PFKFB3: variants seen among roughly 807,000 people sequenced by gnomAD.
PFKFB3 encodes the protein 6-phosphofructo-2-kinase/fructose-2,6-bisphosphatase 3.
A neutral mutation model predicts 68.0 loss-of-function variants in PFKFB3; 33 were observed. That is an observed-to-expected ratio of 0.49 (90% confidence interval 0.37 to 0.65). The LOEUF (loss-of-function observed/expected upper bound fraction) is 0.65, where lower values mean the gene tolerates loss of function less well. Among genes scored for constraint, PFKFB3 ranks in the 30% least tolerant of loss-of-function variants. The pLI, the probability that PFKFB3 is intolerant of heterozygous loss-of-function variation, is 0.00. For missense variants in PFKFB3, 586 were observed against 712.2 expected, an observed-to-expected ratio of 0.82 and a Z score of 2.02; for synonymous variants, 315 against 288.2, an observed-to-expected ratio of 1.09 and a Z score of -0.94.
At chr10:6,175,016 A>G (rs529014985) in intron 1 of PFKFB3, among the ~76,000 whole-genome samples, 1 of 151,932 alleles carries the variant, frequency 6.6e-6, no homozygotes, top group Admixed American at 6.6e-5. Context: ...GGGTTTCACC[A>G]TGTTGGCCAG....
intron 1 of PFKFB3, among the ~76,000 whole-genome samples, chr10:6,165,042 G>A (rs1268202477): frequency 6.6e-6 from 1 of 152,022 alleles, no homozygotes; most frequent in Admixed American, 6.6e-5. Flanking sequence ...GACCCTTTAC[G>A]GGTGTCTGGC....
At chr10:6,247,516 A>G (rs548527769) in intron 14 of PFKFB3, among the ~76,000 whole-genome samples, 5 of 152,168 alleles carry the variant, frequency 3.3e-5, no homozygotes, top group Non-Finnish European at 5.9e-5. Context: ...AATACATCCA[A>G]TCGGTTCAAG....
intron 1 of PFKFB3, among the ~76,000 whole-genome samples, chr10:6,172,536 G>A (rs933695476): frequency 2.0e-5 from 3 of 152,166 alleles, no homozygotes; most frequent in Non-Finnish European, 2.9e-5. Flanking sequence ...TGAGGAAACC[G>A]GGGTGCTGAA....
rs1036171566 is a variant in PFKFB3, at chr10:6,220,348, T to C, written c.624-310T>C. On this transcript the variant is annotated intron_variant, in intron 7 of 14. Transcript: ENST00000379775. The surrounding 1 kb of genome is among the most constrained non-coding windows in gnomAD (Gnocchi z 4.1). ...GAACTTCTAGACTCAAGCAATCCTC[T>C]TGCCTCGGCCTCCCAAAGTGCTGGG... Among the ~76,000 whole-genome samples the C allele has an allele frequency of 1.4e-4, 21 of 152,106 alleles. No individual in the cohort carries two copies. The highest frequency in any genetic ancestry group is 4.8e-4 in the African/African-American group (20 of 41,422).
chr10:6,220,997 G>A lies in PFKFB3; in HGVS notation c.831+132G>A. On this transcript the variant is annotated intron_variant, in intron 8 of 14. Coordinates refer to ENST00000379775, the MANE Select transcript of PFKFB3 (RefSeq NM_004566.4). This position sits in a 1 kb window ranked among gnomAD's most constrained non-coding sequence, Gnocchi z 4.1. Reference sequence around the variant, plus strand: ...GGTGTGCTTGCTGTGTGTGTTATCTGTGTGTGCGCCTGCACGTCTCTATGC... The same window carrying A: ...GGTGTGCTTGCTGTGTGTGTTATCTATGTGTGCGCCTGCACGTCTCTATGC... 3 of 869,270 alleles carry A rather than the reference G, an allele frequency of 3.5e-6. No homozygotes were observed. The highest frequency in any genetic ancestry group is 1.4e-5 in the South Asian group (1 of 71,308). 53.8% of individuals were successfully genotyped at this position (869,270 alleles called of 1,614,324 possible).
intron 14 of PFKFB3, among the ~76,000 whole-genome samples, chr10:6,250,840 C>T (rs1846364795): frequency 6.6e-6 from 1 of 152,164 alleles, no homozygotes. Flanking sequence ...CTTGTTATAA[C>T]CGGCCCAAAT....
the PFKFB3 span, among the ~76,000 whole-genome samples, chr10:6,308,416 T>G: frequency 6.6e-6 from 1 of 152,176 alleles, no homozygotes; most frequent in Admixed American, 6.5e-5. Context: ...CTTGGGAGGC[T>G]GAGGCAGGAG....
the PFKFB3 span, chr10:6,277,729 C>A: frequency 2.4e-6 from 1 of 416,976 alleles, no homozygotes; most frequent in Admixed American, 2.6e-5. Context: ...TGAGCAGATG[C>A]CAGCACCACG....
chr10:6,312,754 G>A, the PFKFB3 span, among the ~76,000 whole-genome samples: 7 of 152,148 alleles, frequency 4.6e-5, no homozygotes, highest in African/African-American at 9.7e-5. Flanking sequence ...GAGACCGGCC[G>A]ACTGCTCACA....
rs184539911 is a variant in PFKFB3, at chr10:6,232,808, C to T, written c.1516-87C>T. The T allele has an allele frequency of 1.3e-4, 132 of 1,020,004 alleles. No homozygotes were observed. In the East Asian group the frequency reaches 2.3e-3, roughly 18 times the overall value. The allele number at this position is 1,020,004 out of a possible 1,614,324, so 63.2% of individuals were successfully genotyped here. ...GGGATGGAGGGAGGGAAGAATTCTC[C>T]GTTGCATGGCTCGCGTCTTCTGCTT... On this transcript the variant is annotated intron_variant, in intron 14 of 14. Transcript: ENST00000379775.
chr10:6,165,893 C>T (rs1011105816), intron 1 of PFKFB3, among the ~76,000 whole-genome samples: 1 of 151,658 alleles, frequency 6.6e-6, no homozygotes. Flanking sequence ...CCGCTCACTG[C>T]AACCTCTGCC....
chr10:6,244,904 C>T (rs977287225), intron 14 of PFKFB3, among the ~76,000 whole-genome samples: 7 of 152,112 alleles, frequency 4.6e-5, no homozygotes, highest in African/African-American at 1.4e-4. Flanking sequence ...ATGAAAGAAA[C>T]AGTTCCTAGC....
intron 1 of PFKFB3, among the ~76,000 whole-genome samples, chr10:6,175,159 T>C (rs1588421696): frequency 6.6e-6 from 1 of 152,190 alleles, no homozygotes; most frequent in Non-Finnish European, 1.5e-5. Flanking sequence ...CCAGCTTCTC[T>C]CCTCAAACCT....
intron 1 of PFKFB3, among the ~76,000 whole-genome samples, chr10:6,163,552 C>T (rs1184974579): frequency 6.6e-6 from 1 of 152,088 alleles, no homozygotes; most frequent in Non-Finnish European, 1.5e-5. Flanking sequence ...CATCAGCTCC[C>T]GGGAGCCCCG....
chr10:6,288,094 T>G, the PFKFB3 span, among the ~76,000 whole-genome samples: 2 of 152,150 alleles, frequency 1.3e-5, no homozygotes, highest in African/African-American at 4.8e-5. Flanking sequence ...TCACTCCACT[T>G]TATTCTTGCT....
At chr10:6,231,251 T>C in intron 14 of PFKFB3, 2 of 1,571,436 alleles carry the variant, frequency 1.3e-6, no homozygotes, top group Non-Finnish European at 1.8e-6. Context: ...TCTCCCCCAC[T>C]CTGCTTGAAA....
chr10:6,210,988 G>C (rs12784609), intron 1 of PFKFB3, among the ~76,000 whole-genome samples: 28,386 of 30,292 alleles, frequency 0.94, 13,665 homozygotes, highest in Non-Finnish European at 1. Flanking sequence ...GATTACAGGC[G>C]TGAGCCACCG....
chr10:6,196,997 ATTT>A (rs1204263929), intron 1 of PFKFB3, among the ~76,000 whole-genome samples: 4 of 151,284 alleles, frequency 2.6e-5, no homozygotes, highest in African/African-American at 9.7e-5. Flanking sequence ...TATTATTATT[ATTT>A]TTGAGACAGA....
intron 1 of PFKFB3, among the ~76,000 whole-genome samples, chr10:6,170,072 TG>T (rs1243486868): frequency 6.6e-6 from 1 of 152,180 alleles, no homozygotes; most frequent in Admixed American, 6.5e-5. Flanking sequence ...TATTTTGAAG[TG>T]GGGGTGGGAG....
Sources: gnomAD v4.1 joint callset for allele counts (sites outside exome capture counted in the v4.1 genomes callset) on GRCh38, gnomAD v4.1.1 for gene constraint, Gnocchi (gnomAD v3.1) non-coding constraint, MANE v1.5 for transcripts, NCBI Gene and HGNC (gene_info 2026-07-23, HGNC 2026-07-21) for gene names.